The following RGS6 variants were observed in gnomAD, a reference collection of about 807,000 sequenced individuals.
RGS6 encodes the protein regulator of G-protein signaling 6.
RGS6 carries 30 observed loss-of-function variants against 78.5 expected under a neutral mutation model. The ratio of observed to expected loss-of-function variants is 0.38; its 90% CI spans 0.29 to 0.52. RGS6 has a LOEUF of 0.52. Among genes scored for constraint, RGS6 ranks in the 20% least tolerant of loss-of-function variants. The probability of loss-of-function intolerance (pLI) is 0.85; values close to 1 mark genes in which losing one functional copy is unlikely to be tolerated. For synonymous variants in RGS6, 206 were observed against 206.0 expected, an observed-to-expected ratio of 1.00 and a Z score of 0.00; for missense variants, 495 against 609.7, an observed-to-expected ratio of 0.81 and a Z score of 1.98.
chr14:72,558,895 C>A (rs1225619276), intron 17 of RGS6, among the ~76,000 whole-genome samples: 1 of 152,210 alleles, frequency 6.6e-6, no homozygotes, highest in East Asian at 1.9e-4. Context: ...AGGCTGCCTG[C>A]TAATAGCATT....
intron 3 of RGS6, among the ~76,000 whole-genome samples, chr14:72,422,145 C>T (rs946508710): frequency 1.4e-4 from 22 of 152,198 alleles, no homozygotes; most frequent in Non-Finnish European, 2.6e-4. Context: ...ATGACTTGCA[C>T]CTCCTTGCCT....
At chr14:72,257,793 G>A (rs2057371477) in intron 2 of RGS6, among the ~76,000 whole-genome samples, 1 of 152,162 alleles carries the variant, frequency 6.6e-6, no homozygotes, top group Non-Finnish European at 1.5e-5. Flanking sequence ...GACCTGTCCA[G>A]GGCAAGTCCA....
chr14:72,607,178 G>C, the RGS6 span, among the ~76,000 whole-genome samples: 1 of 152,122 alleles, frequency 6.6e-6, no homozygotes, highest in Non-Finnish European at 1.5e-5. Flanking sequence ...CTTCTCAAAA[G>C]ACCTCTCTCA....
the RGS6 span, among the ~76,000 whole-genome samples, chr14:71,894,635 C>T: frequency 6.6e-6 from 1 of 152,118 alleles, no homozygotes; most frequent in African/African-American, 2.4e-5. Context: ...GCTTTGGATC[C>T]CCTTTCCTGT....
chr14:72,518,216 C>T (rs753834565), intron 14 of RGS6, 135 bp from the exon 15 acceptor site: 1 of 731,036 alleles, frequency 1.4e-6, no homozygotes, highest in Non-Finnish European at 2.3e-6. Context: ...GTCTTTGCAG[C>T]TCATGTAGTG....
chr14:72,418,072 C>G (rs954723759), intron 3 of RGS6, among the ~76,000 whole-genome samples: 10 of 152,134 alleles, frequency 6.6e-5, no homozygotes, highest in Admixed American at 3.9e-4. Flanking sequence ...GACATACATG[C>G]CAAAAGCCAC....
At chr14:72,540,755 C>CG in intron 17 of RGS6, 1 of 985,308 alleles carries the variant, frequency 1.0e-6, no homozygotes, top group Non-Finnish European at 1.2e-6. Flanking sequence ...GGGTACTCCC[C>CG]GGGGGCAAGG....
rs568843069 is a variant in RGS6, at chr14:72,245,773, T to C, written c.85-106322T>C. 2.5e-3 allele frequency among the ~76,000 whole-genome samples: 374 copies of C among 152,320 alleles called. 1 individual carries two copies. The highest frequency in any genetic ancestry group is 8.8e-3 in the African/African-American group (365 of 41,578). The stretch of plus-strand genomic sequence containing the variant: ...AACAGACTTGAAGAAGCAGTTAAAC[T>C]GGGAGTTTTTATGCTAGCTTGAGTG... On this transcript the variant is annotated intron_variant, in intron 2 of 17. Transcript: ENST00000553525.
At chr14:72,448,367 C>T (rs1339003240) in intron 3 of RGS6, among the ~76,000 whole-genome samples, 2 of 152,220 alleles carry the variant, frequency 1.3e-5, no homozygotes, top group Non-Finnish European at 2.9e-5. Flanking sequence ...CTTTTCATCA[C>T]TGTGTTTCTC....
intron 1 of RGS6, among the ~76,000 whole-genome samples, chr14:71,953,069 A>G (rs1363104908): frequency 6.6e-6 from 1 of 152,224 alleles, no homozygotes. Flanking sequence ...CAGTCCCAAT[A>G]GTCAGTAGTA....
chr14:72,414,819 C>T (rs2093684229), intron 3 of RGS6, among the ~76,000 whole-genome samples: 1 of 152,224 alleles, frequency 6.6e-6, no homozygotes, highest in Non-Finnish European at 1.5e-5. Flanking sequence ...GAGGTCCACT[C>T]CAGAGCCTGT....
chr14:72,345,523 T>G (rs8016720), intron 2 of RGS6, among the ~76,000 whole-genome samples: 1 of 151,850 alleles, frequency 6.6e-6, no homozygotes, highest in Non-Finnish European at 1.5e-5. Flanking sequence ...AAAAGAGGGT[T>G]GGAAAGAAGA....
At chr14:72,401,515 G>C (rs1186479078) in intron 3 of RGS6, among the ~76,000 whole-genome samples, 30 of 151,766 alleles carry the variant, frequency 2.0e-4, no homozygotes, top group Admixed American at 2.0e-3. Context: ...GTTGCCCGAG[G>C]GAAAGGGCAA....
rs2094780891 is a variant in RGS6 at position 72,080,627 on chromosome 14, T to C, written c.84+115752T>C. Among the ~76,000 whole-genome samples the C allele has an allele frequency of 1.3e-5, 2 of 152,190 alleles. 1 individual carries two copies. The highest frequency in any genetic ancestry group is 4.1e-4 in the South Asian group (2 of 4,838). ...GTCTTGGAGCTTTTCCCCTGTGTTT[T>C]CTTCTAGTAATTTTACAGTTTCGAA... On this transcript the variant is annotated intron_variant, in intron 2 of 17. Coordinates refer to ENST00000553525, the MANE Select transcript of RGS6 (RefSeq NM_001204424.2).
intron 2 of RGS6, among the ~76,000 whole-genome samples, chr14:72,031,045 T>A (rs1009750131): frequency 5.9e-5 from 9 of 151,738 alleles, no homozygotes; most frequent in Non-Finnish European, 1.3e-4. Context: ...GACTCTTAGG[T>A]TGTAGTTGTG....
At chr14:72,600,633 C>T in the RGS6 span, among the ~76,000 whole-genome samples, 1 of 152,080 alleles carries the variant, frequency 6.6e-6, no homozygotes, top group Non-Finnish European at 1.5e-5. Flanking sequence ...CCCTGAAGCC[C>T]AGCCATGGTC....
At chr14:72,288,095 A>T (rs1033294120) in intron 2 of RGS6, among the ~76,000 whole-genome samples, 1 of 152,172 alleles carries the variant, frequency 6.6e-6, no homozygotes, top group Non-Finnish European at 1.5e-5. Flanking sequence ...TCAAGGTAAT[A>T]CTGGCCTTAT....
In RGS6 at chr14:72,562,848, G is replaced by A. The variant is rs550852906; in HGVS notation, c.*381G>A. 374 of 1,216,416 alleles carry A rather than the reference G, an allele frequency of 3.1e-4. No homozygotes were observed. Among genetic ancestry groups the A allele is most frequent in the Non-Finnish European group, 4.1e-4 (350 of 855,920 alleles). The allele number at this position is 1,216,416 out of a possible 1,614,324, so 75.4% of individuals were successfully genotyped here. A position where few individuals can be genotyped will look rare whatever the true frequency, so the allele number is the denominator to read the frequency against. ...CTCACTCCCTCGCTGTCTGGAGACGGTCACACCTTCTGGCAAATTCAAGAG... is the reference window on the plus strand; with the variant it reads ...CTCACTCCCTCGCTGTCTGGAGACGATCACACCTTCTGGCAAATTCAAGAG... On this transcript the variant is annotated 3_prime_UTR_variant, in exon 18 of 18. Transcript: ENST00000553525.
intron 3 of RGS6, among the ~76,000 whole-genome samples, chr14:72,364,818 T>A (rs954477364): frequency 6.6e-5 from 10 of 152,192 alleles, no homozygotes; most frequent in Non-Finnish European, 1.3e-4. Flanking sequence ...GGTGAAAGCT[T>A]CTTTCCAAAG....
Sources: gnomAD v4.1 joint callset for allele counts (sites outside exome capture counted in the v4.1 genomes callset) on GRCh38, gnomAD v4.1.1 for gene constraint, MANE v1.5 for transcripts, NCBI Gene and HGNC (gene_info 2026-07-23, HGNC 2026-07-21) for gene names.